ANTXR2: variants seen among roughly 807,000 people sequenced by gnomAD.
The protein encoded by ANTXR2 is anthrax toxin receptor 2.
A neutral mutation model predicts 73.7 loss-of-function variants in ANTXR2; 44 were observed. The ratio of observed to expected loss-of-function variants is 0.60; its 90% CI spans 0.47 to 0.77. ANTXR2 has a LOEUF of 0.77. Among genes scored for constraint, ANTXR2 ranks in the 30% least tolerant of loss-of-function variants. ANTXR2 has a pLI of 0.00. For synonymous variants in ANTXR2, 217 were observed against 205.9 expected, an observed-to-expected ratio of 1.05 and a Z score of -0.46; for missense variants, 604 against 592.5, an observed-to-expected ratio of 1.02 and a Z score of -0.20.
chr4:79,991,298 C>T (rs749024744), intron 12 of ANTXR2, among the ~76,000 whole-genome samples: 108 of 152,066 alleles, frequency 7.1e-4, no homozygotes, highest in Admixed American at 1.3e-3. Flanking sequence ...AGGACACGAA[C>T]AGGCACTTCT....
rs943904142 is a variant in ANTXR2, at chr4:80,001,480, C to T, written c.1041+7041G>A. On this transcript the variant is annotated intron_variant, in intron 12 of 16. Transcript: ENST00000403729. ...TTCATTGCCTCTTATTTTGCAATTGCTTGTACCCTATAAAAAGTTCAGGGT... is the reference window on the plus strand; with the variant it reads ...TTCATTGCCTCTTATTTTGCAATTGTTTGTACCCTATAAAAAGTTCAGGGT... 5.3e-5 allele frequency among the ~76,000 whole-genome samples: 8 copies of T among 151,962 alleles called. No homozygotes were observed. In the South Asian group the frequency reaches 1.7e-3, roughly 32 times the overall value.
chr4:80,068,106 G>A (rs1734594252), intron 3 of ANTXR2, among the ~76,000 whole-genome samples: 1 of 152,136 alleles, frequency 6.6e-6, no homozygotes, highest in African/African-American at 2.4e-5. Context: ...AAAACTAAAA[G>A]CACAAAGATT....
At chr4:80,027,069 T>C (rs1410724863) in intron 10 of ANTXR2, among the ~76,000 whole-genome samples, 1 of 152,158 alleles carries the variant, frequency 6.6e-6, no homozygotes. Flanking sequence ...ATCATCATGA[T>C]TCTAATGTTC....
chr4:79,953,307 G>C (rs1052346536), intron 16 of ANTXR2, among the ~76,000 whole-genome samples: 1 of 152,084 alleles, frequency 6.6e-6, no homozygotes, highest in Non-Finnish European at 1.5e-5. Flanking sequence ...ATACATCAAA[G>C]AATAAATTTG....
intron 7 of ANTXR2, among the ~76,000 whole-genome samples, chr4:80,042,370 C>A (rs1036315072): frequency 5.3e-5 from 8 of 152,048 alleles, no homozygotes; most frequent in African/African-American, 1.7e-4. Flanking sequence ...TTAGAATTTA[C>A]CTGAGTTGGG....
rs1249418911 is a variant in ANTXR2, at chr4:80,033,543, C to T, written c.725G>A (p.Arg242Lys). ...GEEFQIVLSG[R>K]GFMLGSRNGS... ...ATTCCGACTGCCCAGCATGAATCCT[C>T]TTCCACTTAAGACAATCTGAAATTC... Residue 242 changes from arginine to lysine, a missense_variant, in exon 9 of 17, where the codon AGA becomes AAA. By Grantham distance (26) the Arg-to-Lys change is conservative. Coordinates refer to ENST00000403729, the MANE Select transcript of ANTXR2 (RefSeq NM_058172.6). 3 of 1,596,852 alleles carry T rather than the reference C, an allele frequency of 1.9e-6. No homozygotes were observed. Among genetic ancestry groups the T allele is most frequent in the South Asian group, 1.2e-5 (1 of 86,644 alleles).
chr4:80,017,627 T>C (rs1022779336), intron 11 of ANTXR2, among the ~76,000 whole-genome samples: 1 of 152,176 alleles, frequency 6.6e-6, no homozygotes, highest in Non-Finnish European at 1.5e-5. Flanking sequence ...AGACCTGTTT[T>C]CCTGCTTGCA....
At chr4:80,071,712 T>G (rs920175353) in intron 1 of ANTXR2, 58 bp from the exon 2 acceptor site, 1 of 1,402,622 alleles carries the variant, frequency 7.1e-7, no homozygotes, top group Non-Finnish European at 1.0e-6. Context: ...AAAGTAAACA[T>G]TTTGAAATGG....
intron 12 of ANTXR2, among the ~76,000 whole-genome samples, chr4:79,985,821 A>C (rs1008733796): frequency 6.7e-6 from 1 of 150,158 alleles, no homozygotes; most frequent in Non-Finnish European, 1.5e-5. Context: ...TACTCATGAA[A>C]TCTTTCACAG....
intron 16 of ANTXR2, among the ~76,000 whole-genome samples, chr4:79,954,414 CATGTTTGAA>C (rs1320900411): frequency 6.6e-6 from 1 of 151,950 alleles, no homozygotes; most frequent in Non-Finnish European, 1.5e-5. Flanking sequence ...TAACATGATA[CATGTTTGAA>C]ATATTTGAAA....
chr4:79,957,507 C>T (rs1374476940), intron 16 of ANTXR2, among the ~76,000 whole-genome samples: 7 of 152,010 alleles, frequency 4.6e-5, no homozygotes, highest in Non-Finnish European at 7.4e-5. Flanking sequence ...ATCTAAGCTA[C>T]TGATTATACT....
At position 79,976,204 on chromosome 4, in the gene ANTXR2, G is replaced by A. The variant is rs113845355; in HGVS notation, c.1428+1417C>T. ...TGGGATTACAGGCGTGAGCCACCGC[G>A]CCCGGCCCTCAAATCGCATTTAAAA... On this transcript the variant is annotated intron_variant, in intron 16 of 16. Coordinates refer to ENST00000403729, the MANE Select transcript of ANTXR2 (RefSeq NM_058172.6). 9.4e-3 allele frequency among the ~76,000 whole-genome samples: 1,422 copies of A among 151,910 alleles called. 27 individuals carry two copies. The highest frequency in any genetic ancestry group is 0.032 in the African/African-American group (1,323 of 41,410).
chr4:80,013,425 G>GGCCTCA (rs768658418), intron 11 of ANTXR2, among the ~76,000 whole-genome samples: 5 of 152,182 alleles, frequency 3.3e-5, no homozygotes, highest in Admixed American at 6.5e-5. Flanking sequence ...CAGTTCCTAA[G>GGCCTCA]GCCTCAATAG....
intron 16 of ANTXR2, among the ~76,000 whole-genome samples, chr4:79,960,273 A>C (rs979437066): frequency 6.6e-6 from 1 of 152,190 alleles, no homozygotes; most frequent in Non-Finnish European, 1.5e-5. Context: ...AATATGATTC[A>C]AAACAAAAGT....
intron 12 of ANTXR2, among the ~76,000 whole-genome samples, chr4:79,990,128 C>T (rs565017813): frequency 6.6e-6 from 1 of 151,970 alleles, no homozygotes; most frequent in East Asian, 1.9e-4. Context: ...AAGTCCTAGC[C>T]AGAGAAATCA....
At chr4:79,977,540 C>A in intron 16 of ANTXR2, 81 bp downstream of exon 16, 1 of 1,524,044 alleles carries the variant, frequency 6.6e-7, no homozygotes, top group South Asian at 1.3e-5. Flanking sequence ...GCTTTAAAAT[C>A]ATTTTTTATT....
intron 16 of ANTXR2, among the ~76,000 whole-genome samples, chr4:79,960,940 T>C (rs60342291): frequency 0.091 from 13,879 of 152,020 alleles, 732 homozygotes; most frequent in Middle Eastern, 0.23. Flanking sequence ...TATAAGTACA[T>C]TTTTAGGAAT....
chr4:79,985,482 G>A (rs1209984232), intron 12 of ANTXR2, among the ~76,000 whole-genome samples: 1 of 152,204 alleles, frequency 6.6e-6, no homozygotes, highest in Non-Finnish European at 1.5e-5. Flanking sequence ...GAGGAACACT[G>A]CTGTCAGGTC....
intron 9 of ANTXR2, 79 bp downstream of exon 9, chr4:80,033,393 G>A (rs1003643945): frequency 4.9e-5 from 52 of 1,070,812 alleles, no homozygotes; most frequent in South Asian, 6.5e-5. Flanking sequence ...GTTAGTTTTC[G>A]TTGGAGAAAA....
Sources: allele counts gnomAD v4.1 joint callset (sites outside exome capture counted in the v4.1 genomes callset), GRCh38; gene constraint gnomAD v4.1.1; transcripts MANE v1.5; gene names NCBI Gene and HGNC (gene_info 2026-07-23, HGNC 2026-07-21).